Variants in TSGA13 observed in about 807,000 individuals in gnomAD.
The protein encoded by TSGA13 is testis-specific gene 13 protein.
TSGA13 carries 37 observed loss-of-function variants against 35.1 expected under a neutral mutation model. The observed-to-expected ratio is 1.05, with a 90% CI of 0.81 to 1.39. TSGA13 has a LOEUF of 1.39. Among genes scored for constraint, TSGA13 ranks in the 40% most tolerant of loss-of-function variants. The probability of loss-of-function intolerance (pLI) is 0.00; values close to 1 mark genes in which losing one functional copy is unlikely to be tolerated. For missense variants in TSGA13, 338 were observed against 328.5 expected (o/e 1.03, Z -0.22); for synonymous variants, 124 against 121.2 (o/e 1.02, Z -0.15).
At chr7:130,674,508 C>T (rs532322315) in intron 5 of TSGA13, among the ~76,000 whole-genome samples, 1 of 152,302 alleles carries the variant, frequency 6.6e-6, no homozygotes, top group African/African-American at 2.4e-5. Context: ...TTGCCACTCA[C>T]ATCCATCACA....
chr7:130,672,713 C>T (rs1181174193), intron 6 of TSGA13, 21 bp downstream of exon 6: 3 of 1,608,104 alleles, frequency 1.9e-6, no homozygotes, highest in African/African-American at 1.3e-5. Flanking sequence ...AAAGCAAGTA[C>T]AAGAAGAAGC....
At position 130,672,888 on chromosome 7, in the gene TSGA13, C is replaced by G. The variant is rs200100139; in HGVS notation, c.388-12G>C. 28 of 1,610,652 alleles carry G rather than the reference C, an allele frequency of 1.7e-5. No individual in the cohort carries two copies. Among genetic ancestry groups the G allele is most frequent in the Non-Finnish European group, 2.4e-5 (28 of 1,178,346 alleles). Reference sequence around the variant, plus strand: ...TGATGATGACTTTCCTGTAGGGAAACGAGGGAAGAAGAGTGAGGGAGTAAG... The same window carrying G: ...TGATGATGACTTTCCTGTAGGGAAAGGAGGGAAGAAGAGTGAGGGAGTAAG... On this transcript the variant is annotated splice_polypyrimidine_tract_variant and intron_variant, in intron 5 of 7. Coordinates refer to ENST00000356588, the MANE Select transcript of TSGA13 (RefSeq NM_052933.4).
In TSGA13 at chr7:130,669,187, C is replaced by T; in HGVS notation, c.659-4G>A. The T allele has an allele frequency of 1.9e-6, 3 of 1,614,100 alleles. No individual in the cohort carries two copies. The highest frequency in any genetic ancestry group is 1.1e-5 in the South Asian group (1 of 91,084). Reference sequence around the variant, plus strand: ...TCACTCGCTGACTTCTTGGAAGCTACGACAAAGCACAGGCACCCTGGTGAA... The same window carrying T: ...TCACTCGCTGACTTCTTGGAAGCTATGACAAAGCACAGGCACCCTGGTGAA... On this transcript the variant is annotated splice_region_variant and splice_polypyrimidine_tract_variant and intron_variant, in intron 7 of 7. Coordinates refer to ENST00000356588, the MANE Select transcript of TSGA13 (RefSeq NM_052933.4).
At chr7:130,687,252 A>G (rs573686523), upstream of TSGA13, 3 of 152,298 alleles carry the variant, frequency 2.0e-5, no homozygotes, top group Admixed American at 1.3e-4. Context: ...TGCAATCCCA[A>G]ACTCTAGACT....
intron 5 of TSGA13, among the ~76,000 whole-genome samples, chr7:130,678,037 T>C (rs1796452655): frequency 6.6e-6 from 1 of 152,190 alleles, no homozygotes; most frequent in Non-Finnish European, 1.5e-5. Context: ...AATTGCTTGT[T>C]GAATGGAATT....
chr7:130,673,000 G>C (rs1554463560), intron 5 of TSGA13, 124 bp from the exon 6 acceptor site: 1 of 1,123,718 alleles, frequency 8.9e-7, no homozygotes, highest in Non-Finnish European at 1.2e-6. Context: ...CCTGTCAGAG[G>C]GGGAAGTGGG....
chr7:130,669,172 ACTT>A lies in TSGA13; in HGVS notation c.667_669del (p.Lys223del), dbSNP rs781969236. 6 of 1,614,130 alleles carry A rather than the reference ACTT, an allele frequency of 3.7e-6. No individual in the cohort carries two copies. The African/African-American group carries it at 5.3e-5, about 14-fold the overall frequency. The stretch of plus-strand genomic sequence containing the variant: ...TTGGAAATTGGCCTTTCACTCGCTG[ACTT>A]CTTGGAAGCTACGACAAAGCACAGG... On this transcript the variant is annotated inframe_deletion, in exon 8 of 8. Transcript: ENST00000356588.
Position 130,668,770 on chromosome 7 carries a change from C to T in TSGA13, c.*244G>A. On this transcript the variant is annotated 3_prime_UTR_variant, in exon 8 of 8. Coordinates refer to ENST00000356588, the MANE Select transcript of TSGA13 (RefSeq NM_052933.4). ...GAAGGCCGGCCCCGCGCTCTCACGC[C>T]GGTTGGGCCGCCGCGCCTTCACTCG... 1.4e-6 allele frequency: 2 copies of T among 1,394,640 alleles called. No homozygotes were observed. The highest frequency in any genetic ancestry group is 1.9e-6 in the Non-Finnish European group (2 of 1,044,938). The allele number at this position is 1,394,640 out of a possible 1,614,324, so 86.4% of individuals were successfully genotyped here. A position where few individuals can be genotyped will look rare whatever the true frequency, so the allele number is the denominator to read the frequency against.
At chr7:130,681,111 G>GTC (rs1554465044) in intron 3 of TSGA13, 94 bp from the exon 4 acceptor site, 1 of 1,057,524 alleles carries the variant, frequency 9.5e-7, no homozygotes, top group African/African-American at 1.6e-5. Flanking sequence ...TGGAGAACTG[G>GTC]TCTCTAACTT....
intron 2 of TSGA13, among the ~76,000 whole-genome samples, chr7:130,684,181 A>G (rs1796609214): frequency 6.6e-6 from 1 of 152,182 alleles, no homozygotes; most frequent in Admixed American, 6.5e-5. Context: ...ATTCTTGTTG[A>G]CCTTGCTTGG....
chr7:130,684,387 C>T (rs1796614239), intron 2 of TSGA13, among the ~76,000 whole-genome samples: 1 of 152,138 alleles, frequency 6.6e-6, no homozygotes, highest in African/African-American at 2.4e-5. Flanking sequence ...CCATTTGCTG[C>T]CAGAACATAA....
At chr7:130,675,247 A>G (rs1266669679) in intron 5 of TSGA13, among the ~76,000 whole-genome samples, 2 of 151,608 alleles carry the variant, frequency 1.3e-5, no homozygotes, top group African/African-American at 2.4e-5. Context: ...ATATGTATAT[A>G]TATATGGGTT....
At chr7:130,676,952 G>A (rs963494505) in intron 5 of TSGA13, among the ~76,000 whole-genome samples, 29 of 151,674 alleles carry the variant, frequency 1.9e-4, no homozygotes, top group Non-Finnish European at 3.1e-4. Context: ...GAGTGCAGTG[G>A]TGCGATCTCG....
intron 3 of TSGA13, 108 bp from the exon 4 acceptor site, chr7:130,681,125 C>T (rs1796536052): frequency 5.6e-6 from 5 of 899,014 alleles, no homozygotes; most frequent in Non-Finnish European, 5.4e-6. Flanking sequence ...CTAACTTACA[C>T]TAAGTAAGTT....
In TSGA13 at chr7:130,672,943, C is replaced by G. The variant is rs1554463534; in HGVS notation, c.388-67G>C. The stretch of plus-strand genomic sequence containing the variant: ...GTCCCTTGGGATTTTAAGTTTGGAC[C>G]AAGTTCCTGGACTAAGTTCCAATTC... On this transcript the variant is annotated intron_variant, in intron 5 of 7. Transcript: ENST00000356588. 15 of 1,497,366 alleles carry G rather than the reference C, an allele frequency of 1.0e-5. No homozygotes were observed. In the East Asian group the frequency reaches 3.4e-4, roughly 34 times the overall value. 92.8% of individuals were successfully genotyped at this position (1,497,366 alleles called of 1,614,324 possible). A position where few individuals can be genotyped will look rare whatever the true frequency, so the allele number is the denominator to read the frequency against.
chr7:130,677,685 A>G (rs1554464322), intron 5 of TSGA13, among the ~76,000 whole-genome samples: 1 of 152,052 alleles, frequency 6.6e-6, no homozygotes. Flanking sequence ...TCAGCCTCCC[A>G]AAGTGCTGGG....
rs192963986 is a variant in TSGA13 at position 130,679,431 on chromosome 7, G to A, written c.175-64C>T. On this transcript the variant is annotated intron_variant, in intron 4 of 7. Transcript: ENST00000356588. The stretch of plus-strand genomic sequence containing the variant: ...TAGGCCAAGAGCAGGTTAACAAATC[G>A]GTTGGCTGATACTTAGCCTCTGTGG... 3.1e-5 allele frequency: 44 copies of A among 1,427,720 alleles called. 1 individual carries two copies. In the East Asian group the frequency reaches 4.7e-4, roughly 15 times the overall value. 88.4% of individuals were successfully genotyped at this position (1,427,720 alleles called of 1,614,324 possible).
chr7:130,678,793 T>C (rs1211599943), intron 5 of TSGA13, among the ~76,000 whole-genome samples: 5 of 152,034 alleles, frequency 3.3e-5, no homozygotes, highest in African/African-American at 7.2e-5. Context: ...AGGCCGAGGC[T>C]GGAGAATCAC....
intron 7 of TSGA13, among the ~76,000 whole-genome samples, chr7:130,671,185 A>G (rs1425909525): frequency 2.0e-5 from 3 of 152,040 alleles, no homozygotes; most frequent in African/African-American, 7.2e-5. Context: ...TTTTTCTTCA[A>G]AGTATAATAT....
Sources: gnomAD v4.1 joint callset for allele counts (sites outside exome capture counted in the v4.1 genomes callset) on GRCh38, gnomAD v4.1.1 for gene constraint, MANE v1.5 for transcripts, NCBI Gene and HGNC (gene_info 2026-07-23, HGNC 2026-07-21) for gene names.